The following SCLT1 variants were observed in gnomAD, a reference collection of about 807,000 sequenced individuals.
SCLT1 encodes sodium channel and clathrin linker 1, also known as sodium channel-associated protein 1.
In SCLT1, 78 loss-of-function variants were observed where a neutral mutation model predicts 112.8. The ratio of observed to expected loss-of-function variants is 0.69; its 90% CI spans 0.58 to 0.83. The LOEUF is 0.83. Ranked by LOEUF, SCLT1 falls within the 40% of genes least tolerant of loss-of-function variation. The pLI, the probability that SCLT1 is intolerant of heterozygous loss-of-function variation, is 0.00. For missense variants in SCLT1, 747 were observed against 770.4 expected (o/e 0.97, Z 0.36); for synonymous variants, 257 against 254.7 (o/e 1.01, Z -0.09).
In SCLT1 at chr4:128,897,226, T is replaced by C. The variant is rs547806511; in HGVS notation, c.1830-6089A>G. Among the ~76,000 whole-genome samples, 3 of 152,218 alleles carry C rather than the reference T, an allele frequency of 2.0e-5. No individual in the cohort carries two copies. The South Asian group carries it at 6.2e-4, about 32-fold the overall frequency. On this transcript the variant is annotated intron_variant, in intron 18 of 20. Transcript: ENST00000281142. ...AACTCCAAGACACATAATTGTCAGA[T>C]TCACCAAAGTTGAAATGAAGGAAAA...
intron 4 of SCLT1, chr4:129,040,127 G>A (rs543335720): frequency 3.3e-5 from 23 of 700,180 alleles, no homozygotes; most frequent in South Asian, 3.3e-4. Context: ...AGAAGATCAA[G>A]GAAGCTTGGT....
At chr4:129,049,471 G>A (rs1213845322) in intron 2 of SCLT1, among the ~76,000 whole-genome samples, 1 of 113,288 alleles carries the variant, frequency 8.8e-6, no homozygotes, top group Non-Finnish European at 1.7e-5. Flanking sequence ...ACACTCTGGG[G>A]ACTGTTGTGG....
At position 129,029,701 on chromosome 4, in the gene SCLT1, C is replaced by A. The variant is rs571213377; in HGVS notation, c.290+9340G>T. On this transcript the variant is annotated intron_variant, in intron 5 of 20. Coordinates refer to ENST00000281142, the MANE Select transcript of SCLT1 (RefSeq NM_144643.4). ...AATAATAATAAACAAACAAAAAAAA[C>A]CCCAAAAAGACAAAGAAGGGCATTA... Among the ~76,000 whole-genome samples, 12 of 151,478 alleles carry A rather than the reference C, an allele frequency of 7.9e-5. No individual in the cohort carries two copies. The South Asian group carries it at 1.9e-3, about 24-fold the overall frequency.
intron 8 of SCLT1, among the ~76,000 whole-genome samples, chr4:128,992,650 T>C (rs1232802055): frequency 6.6e-6 from 1 of 152,044 alleles, no homozygotes; most frequent in East Asian, 1.9e-4. Context: ...CTACACTGTC[T>C]TTCAGAATTC....
intron 4 of SCLT1, chr4:129,039,862 A>G: frequency 4.0e-6 from 1 of 253,020 alleles, no homozygotes; most frequent in Non-Finnish European, 7.5e-6. Context: ...GTCAACTCTC[A>G]GTAAGTGTGA....
intron 12 of SCLT1, 72 bp downstream of exon 12, chr4:128,959,528 C>A: frequency 9.2e-7 from 1 of 1,085,514 alleles, no homozygotes; most frequent in Non-Finnish European, 1.4e-6. Context: ...CTATTGAATC[C>A]CTTACTGTGA....
chr4:129,070,671 A>G (rs1299498558), intron 2 of SCLT1, among the ~76,000 whole-genome samples: 1 of 152,048 alleles, frequency 6.6e-6, no homozygotes, highest in African/African-American at 2.4e-5. Flanking sequence ...AATCTTGTTA[A>G]TGGTCTATCA....
chr4:129,083,780 A>G (rs756545190), intron 1 of SCLT1, among the ~76,000 whole-genome samples: 116 of 152,362 alleles, frequency 7.6e-4, no homozygotes, highest in Middle Eastern at 3.4e-3. Flanking sequence ...AGAAATCTGT[A>G]GCTTTAATTG....
intron 2 of SCLT1, among the ~76,000 whole-genome samples, chr4:129,072,691 T>A (rs1435857906): frequency 6.6e-6 from 1 of 152,180 alleles, no homozygotes; most frequent in African/African-American, 2.4e-5. Context: ...TCCTTGAATA[T>A]TTCTCCCTTC....
chr4:128,924,623 T>G (rs1484567673), intron 18 of SCLT1, among the ~76,000 whole-genome samples: 1 of 152,178 alleles, frequency 6.6e-6, no homozygotes, highest in Non-Finnish European at 1.5e-5. Context: ...TGTACTTTAT[T>G]ATTGTGTCTT....
At chr4:129,092,946 C>G in intron 1 of SCLT1, 124 bp downstream of exon 1, 1 of 736,192 alleles carries the variant, frequency 1.4e-6, no homozygotes, top group Non-Finnish European at 2.4e-6. Flanking sequence ...TTTTTTCCTG[C>G]AACTAACTTC....
chr4:129,007,341 T>C (rs994251198), intron 5 of SCLT1, among the ~76,000 whole-genome samples: 2 of 152,166 alleles, frequency 1.3e-5, no homozygotes, highest in African/African-American at 4.8e-5. Flanking sequence ...AGCAACCTGC[T>C]CATATTTCCT....
At chr4:129,041,352 A>T (rs900745421) in intron 4 of SCLT1, among the ~76,000 whole-genome samples, 4 of 152,218 alleles carry the variant, frequency 2.6e-5, no homozygotes, top group Non-Finnish European at 5.9e-5. Flanking sequence ...TTTATTTGAC[A>T]TTTGGGTCTA....
chr4:128,908,864 C>T (rs1734887429), intron 18 of SCLT1, among the ~76,000 whole-genome samples: 1 of 152,188 alleles, frequency 6.6e-6, no homozygotes, highest in Admixed American at 6.5e-5. Context: ...AGAAGGCGTA[C>T]ACTCTAGTAG....
At position 129,039,070 on chromosome 4, in the gene SCLT1, T is replaced by C. The variant is rs1244511338; in HGVS notation, c.261A>G (p.Gln87=). ...CATTTTCCTTGATGACATTTTCAAG[T>C]TGTAATTTCATCTCACCCACCTGTT... ...YQKQVGEMKL[Q]LENVIKENER... is the part of the protein sequence containing the mutation. Residue 87 remains glutamine (Q), a synonymous_variant, in exon 5 of 21, where the codon CAA becomes CAG. Coordinates refer to ENST00000281142, the MANE Select transcript of SCLT1 (RefSeq NM_144643.4). 3 of 1,595,986 alleles carry C rather than the reference T, an allele frequency of 1.9e-6. No individual in the cohort carries two copies. The African/African-American group carries it at 4.0e-5, about 21-fold the overall frequency.
chr4:128,982,376 C>T (rs928542560), intron 9 of SCLT1, among the ~76,000 whole-genome samples: 15 of 152,188 alleles, frequency 9.9e-5, no homozygotes, highest in African/African-American at 3.4e-4. Context: ...CTGTTTCTAC[C>T]TTCAGAGCAC....
Position 129,093,454 on chromosome 4 carries a change from T to C in SCLT1, c.-351A>G. The C allele has an allele frequency of 3.7e-6, 1 of 267,670 alleles. No homozygotes were observed. 16.6% of individuals were successfully genotyped at this position (267,670 alleles called of 1,614,324 possible). On this transcript the variant is annotated 5_prime_UTR_variant, in exon 1 of 21. Transcript: ENST00000281142. ...GTGCCGCGGGAGCTTGACGGCAGCC[T>C]GAGAGCGGCGTTCTACGCGGAGCGG...
At chr4:128,907,349 G>A (rs1469959858) in intron 18 of SCLT1, among the ~76,000 whole-genome samples, 1 of 152,158 alleles carries the variant, frequency 6.6e-6, no homozygotes, top group Non-Finnish European at 1.5e-5. Context: ...CAGTAATCCA[G>A]GTGAGCAATG....
chr4:129,059,573 T>C (rs1400784848), intron 2 of SCLT1, among the ~76,000 whole-genome samples: 1 of 152,152 alleles, frequency 6.6e-6, no homozygotes, highest in Non-Finnish European at 1.5e-5. Context: ...TCAGTTTGTG[T>C]TTGTCTGGGG....
Sources: allele counts gnomAD v4.1 joint callset (sites outside exome capture counted in the v4.1 genomes callset), GRCh38; gene constraint gnomAD v4.1.1; transcripts MANE v1.5; gene names NCBI Gene and HGNC (gene_info 2026-07-23, HGNC 2026-07-21).